The following GRID2 variants were observed in gnomAD, a reference collection of about 807,000 sequenced individuals.
GRID2 encodes the protein glutamate receptor ionotropic, delta-2.
GRID2 carries 33 observed loss-of-function variants against 114.8 expected under a neutral mutation model. That is an observed-to-expected ratio of 0.29 (90% CI 0.22 to 0.38). GRID2 has a LOEUF of 0.38. Among genes scored for constraint, GRID2 ranks in the 10% least tolerant of loss-of-function variants. The pLI is 1.00. For synonymous variants in GRID2, 505 were observed against 449.9 expected (o/e 1.12, Z -1.55); for missense variants, 1,184 against 1,257.7 (o/e 0.94, Z 0.89).
In GRID2 at chr4:93,414,685, T is replaced by TTATATATATATATATATATATA. The variant is rs34416042; in HGVS notation, c.1348-8065_1348-8064insATATATATATATATATATATAT. 2.4e-3 allele frequency among the ~76,000 whole-genome samples: 332 copies of TTATATATATATATATATATATA among 140,430 alleles called. 1 individual carries two copies. Among genetic ancestry groups the TTATATATATATATATATATATA allele is most frequent in the South Asian group, 7.3e-3 (32 of 4,376 alleles). The allele number at this position is 140,430 out of a possible 152,430, so 92.1% of individuals were successfully genotyped here. On this transcript the variant is annotated intron_variant, in intron 9 of 15. Transcript: ENST00000282020. ...GCACCTATCATCACCATCTGACATT[T>TTATATATATATATATATATATA]TATATATATATATATATATATTTCC...
At chr4:92,526,536 G>A (rs2149145040) in intron 1 of GRID2, among the ~76,000 whole-genome samples, 1 of 152,044 alleles carries the variant, frequency 6.6e-6, no homozygotes, top group South Asian at 2.1e-4. Context: ...TAGAGCCAGG[G>A]TTTCACCATG....
At chr4:92,489,732 G>A (rs1723064035) in intron 1 of GRID2, among the ~76,000 whole-genome samples, 1 of 151,804 alleles carries the variant, frequency 6.6e-6, no homozygotes. Context: ...TGTAATCCCA[G>A]CTACTCAGGC....
chr4:93,385,383 G>T (rs559252985), intron 8 of GRID2, among the ~76,000 whole-genome samples: 6 of 152,262 alleles, frequency 3.9e-5, no homozygotes, highest in Non-Finnish European at 7.4e-5. Context: ...GACATTTTAT[G>T]AGACTAACTG....
At chr4:93,545,533 G>A (rs993681009) in intron 13 of GRID2, among the ~76,000 whole-genome samples, 1 of 152,180 alleles carries the variant, frequency 6.6e-6, no homozygotes, top group Non-Finnish European at 1.5e-5. Flanking sequence ...AGCAGATCGT[G>A]ATTAGGAGTT....
chr4:92,507,550 A>T (rs772443328), intron 1 of GRID2, among the ~76,000 whole-genome samples: 1 of 151,496 alleles, frequency 6.6e-6, no homozygotes, highest in African/African-American at 2.4e-5. Flanking sequence ...TTCTGAGTCC[A>T]GTTTTTTTTA....
chr4:93,545,620 G>A (rs184208387), intron 13 of GRID2, among the ~76,000 whole-genome samples: 5 of 152,248 alleles, frequency 3.3e-5, no homozygotes, highest in African/African-American at 1.2e-4. Context: ...CATGGGAGCC[G>A]ATTCTAGGCA....
intron 13 of GRID2, among the ~76,000 whole-genome samples, chr4:93,572,456 T>A (rs1209823661): frequency 6.6e-6 from 1 of 152,112 alleles, no homozygotes; most frequent in Non-Finnish European, 1.5e-5. Context: ...TATAATTTAA[T>A]ATAATTTTAG....
chr4:92,941,807 T>A (rs1392321376), intron 2 of GRID2, among the ~76,000 whole-genome samples: 1 of 152,214 alleles, frequency 6.6e-6, no homozygotes. Flanking sequence ...TCTTTATTTC[T>A]GCGTTCATTT....
chr4:92,738,454 A>G (rs1736709261), intron 2 of GRID2, among the ~76,000 whole-genome samples: 2 of 152,024 alleles, frequency 1.3e-5, no homozygotes, highest in Admixed American at 6.6e-5. Context: ...TTAATATCTC[A>G]TCTATTATGT....
At chr4:93,042,352 T>A (rs991527214) in intron 2 of GRID2, among the ~76,000 whole-genome samples, 1 of 145,442 alleles carries the variant, frequency 6.9e-6, no homozygotes, top group Non-Finnish European at 1.5e-5. Context: ...ATTCTGCACA[T>A]GTACCTTAGA....
chr4:92,635,939 T>A (rs1250289035), intron 2 of GRID2, among the ~76,000 whole-genome samples: 1 of 152,012 alleles, frequency 6.6e-6, no homozygotes, highest in African/African-American at 2.4e-5. Flanking sequence ...GCACCTTCTG[T>A]TTTCTGAAAA....
At chr4:92,902,999 A>AT (rs1428377781) in intron 2 of GRID2, among the ~76,000 whole-genome samples, 7 of 151,500 alleles carry the variant, frequency 4.6e-5, no homozygotes, top group South Asian at 2.1e-4. Flanking sequence ...ATGCCTCTAG[A>AT]TTTTTTCTTT....
At chr4:92,362,531 A>T (rs1728666605) in intron 1 of GRID2, among the ~76,000 whole-genome samples, 1 of 151,966 alleles carries the variant, frequency 6.6e-6, no homozygotes, top group African/African-American at 2.4e-5. Context: ...AAATATATAT[A>T]AATTTCAGTT....
chr4:92,600,166 A>G (rs887957774), intron 2 of GRID2, among the ~76,000 whole-genome samples: 12 of 149,198 alleles, frequency 8.0e-5, no homozygotes, highest in Admixed American at 2.0e-4. Context: ...ATCTTAGTAT[A>G]GAGAATATTC....
intron 2 of GRID2, among the ~76,000 whole-genome samples, chr4:93,035,621 C>T (rs1051182143): frequency 5.9e-5 from 9 of 152,158 alleles, no homozygotes; most frequent in Non-Finnish European, 1.3e-4. Flanking sequence ...ACTATCCTCT[C>T]AAGTACTGGA....
chr4:93,357,531 C>G (rs1486436082), intron 8 of GRID2, among the ~76,000 whole-genome samples: 2 of 151,050 alleles, frequency 1.3e-5, no homozygotes, highest in Non-Finnish European at 3.0e-5. Flanking sequence ...TCTGCTCTGG[C>G]TGTTATATTT....
intron 2 of GRID2, among the ~76,000 whole-genome samples, chr4:92,600,068 A>G (rs1456197718): frequency 0.017 from 2,194 of 132,964 alleles, 155 homozygotes; most frequent in African/African-American, 0.056. Context: ...ATATATATAT[A>G]TATATATATA....
At chr4:92,425,521 C>G (rs979635452) in intron 1 of GRID2, among the ~76,000 whole-genome samples, 1 of 152,068 alleles carries the variant, frequency 6.6e-6, no homozygotes, top group African/African-American at 2.4e-5. Context: ...ATGATTTCTT[C>G]TCAAGGTTGA....
At chr4:92,364,084 G>A (rs1728742575) in intron 1 of GRID2, among the ~76,000 whole-genome samples, 1 of 151,928 alleles carries the variant, frequency 6.6e-6, no homozygotes, top group South Asian at 2.1e-4. Flanking sequence ...GCCTCCCAAA[G>A]TGCAGTATAA....
Sources: gnomAD v4.1 joint callset for allele counts (sites outside exome capture counted in the v4.1 genomes callset) on GRCh38, gnomAD v4.1.1 for gene constraint, MANE v1.5 for transcripts, NCBI Gene and HGNC (gene_info 2026-07-23, HGNC 2026-07-21) for gene names.